Variants in ANO10 observed in about 807,000 individuals in gnomAD.
The protein encoded by ANO10 is anoctamin 10, also known as anoctamin-10.
A neutral mutation model predicts 74.7 loss-of-function variants in ANO10; 77 were observed. The ratio of observed to expected loss-of-function variants is 1.03; its 90% CI spans 0.86 to 1.25. ANO10 has a LOEUF of 1.25. Ranked by LOEUF, ANO10 falls within the 50% of genes most tolerant of loss-of-function variation. The pLI is 0.00. For synonymous variants in ANO10, 279 were observed against 284.9 expected, an observed-to-expected ratio of 0.98 and a Z score of 0.21; for missense variants, 721 against 778.1, an observed-to-expected ratio of 0.93 and a Z score of 0.87.
chr3:43,523,946 G>A (rs938561403), intron 11 of ANO10, among the ~76,000 whole-genome samples: 3 of 151,822 alleles, frequency 2.0e-5, no homozygotes, highest in African/African-American at 7.3e-5. Flanking sequence ...AGCTCATCCA[G>A]GGGCTACAGT....
chr3:43,565,679 A>G lies in ANO10; in HGVS notation c.1267T>C (p.Leu423=), dbSNP rs781561887. Residue 423 remains leucine (L), a synonymous_variant, in exon 8 of 13, where the codon TTG becomes CTG. Coordinates refer to ENST00000292246, the MANE Select transcript of ANO10 (RefSeq NM_018075.5). The part of the protein sequence containing the change: ...FASLFYIAFV[L]KDMKLLRQSL... ...TGGCGCAAAAGCTTCATATCTTTCAAGACAAAGGCAATATAGAAGAGTGAG... is the reference window on the plus strand; with the variant it reads ...TGGCGCAAAAGCTTCATATCTTTCAGGACAAAGGCAATATAGAAGAGTGAG... 3 of 1,582,602 alleles carry G rather than the reference A, an allele frequency of 1.9e-6. No homozygotes were observed. The highest frequency in any genetic ancestry group is 8.6e-7 in the Non-Finnish European group (1 of 1,163,218).
chr3:43,392,076 C>T (rs1472721242), intron 12 of ANO10, among the ~76,000 whole-genome samples: 1 of 152,096 alleles, frequency 6.6e-6, no homozygotes, highest in Non-Finnish European at 1.5e-5. Flanking sequence ...ATCACAGGGT[C>T]CTCACCAGAG....
At chr3:43,414,672 G>A (rs1206295789) in intron 12 of ANO10, among the ~76,000 whole-genome samples, 2 of 152,222 alleles carry the variant, frequency 1.3e-5, no homozygotes, top group Non-Finnish European at 2.9e-5. Flanking sequence ...AGGGATCTGA[G>A]ACTGCTTCTT....
chr3:43,638,874 T>A (rs1479190208), intron 1 of ANO10: 3 of 152,286 alleles, frequency 2.0e-5, no homozygotes, highest in Non-Finnish European at 2.9e-5. Flanking sequence ...GACAGGAATG[T>A]GGGAGTGGCT....
chr3:43,373,908 G>A (rs2091706691), intron 12 of ANO10, among the ~76,000 whole-genome samples: 1 of 152,224 alleles, frequency 6.6e-6, no homozygotes, highest in Non-Finnish European at 1.5e-5. Context: ...GTCGTCAGAG[G>A]CAGCAAGCCC....
chr3:43,630,218 C>T (rs2083532318), intron 1 of ANO10, among the ~76,000 whole-genome samples: 1 of 152,092 alleles, frequency 6.6e-6, no homozygotes, highest in Non-Finnish European at 1.5e-5. Context: ...CATATTTGTC[C>T]TATCAATTAT....
chr3:43,599,938 T>C (rs1045918592), intron 3 of ANO10, among the ~76,000 whole-genome samples: 6 of 152,170 alleles, frequency 3.9e-5, no homozygotes, highest in Admixed American at 1.3e-4. Flanking sequence ...AATACTTTTT[T>C]TGGTGTATTT....
intron 12 of ANO10, among the ~76,000 whole-genome samples, chr3:43,419,423 T>C (rs966776344): frequency 2.6e-5 from 4 of 152,244 alleles, no homozygotes; most frequent in African/African-American, 9.6e-5. Context: ...AGATCATTTC[T>C]ATAGAATTTT....
intron 12 of ANO10, among the ~76,000 whole-genome samples, chr3:43,423,963 A>AG (rs2092859396): frequency 6.6e-6 from 1 of 152,152 alleles, no homozygotes; most frequent in Non-Finnish European, 1.5e-5. Context: ...GGCAAATCTG[A>AG]TGTTACGGTA....
At chr3:43,437,819 C>T (rs991153588) in intron 11 of ANO10, among the ~76,000 whole-genome samples, 1 of 150,710 alleles carries the variant, frequency 6.6e-6, no homozygotes, top group Non-Finnish European at 1.5e-5. Flanking sequence ...AGAGAGATGG[C>T]TGTTTTTCAG....
intron 12 of ANO10, among the ~76,000 whole-genome samples, chr3:43,399,620 C>T (rs2092443531): frequency 1.3e-5 from 2 of 152,108 alleles, no homozygotes; most frequent in Admixed American, 1.3e-4. Context: ...GTCTTTGTCC[C>T]ATCTCTCTTC....
chr3:43,624,419 A>T (rs1347828636), upstream of ANO10, among the ~76,000 whole-genome samples: 1 of 152,212 alleles, frequency 6.6e-6, no homozygotes, highest in Non-Finnish European at 1.5e-5. Context: ...TAGATTTCTC[A>T]TGAATGGTTT....
At chr3:43,550,655 T>C (rs971965959) in intron 10 of ANO10, among the ~76,000 whole-genome samples, 5 of 152,040 alleles carry the variant, frequency 3.3e-5, no homozygotes, top group Admixed American at 2.6e-4. Context: ...TCTGCCATCT[T>C]ACAATTTAGA....
At chr3:43,397,890 C>G (rs1285500428) in intron 12 of ANO10, among the ~76,000 whole-genome samples, 1 of 152,154 alleles carries the variant, frequency 6.6e-6, no homozygotes, top group Non-Finnish European at 1.5e-5. Flanking sequence ...TGCCTGATGT[C>G]CACTGTTGGA....
intron 12 of ANO10, among the ~76,000 whole-genome samples, chr3:43,429,426 G>C (rs979247102): frequency 6.6e-6 from 1 of 151,896 alleles, no homozygotes; most frequent in Non-Finnish European, 1.5e-5. Context: ...GATATACCAC[G>C]AAATCCTGAG....
intron 4 of ANO10, among the ~76,000 whole-genome samples, chr3:43,594,828 G>A (rs2081993735): frequency 6.6e-6 from 1 of 152,044 alleles, no homozygotes; most frequent in South Asian, 2.1e-4. Flanking sequence ...CCAGGAGCTG[G>A]TTTTTTGAAA....
At chr3:43,526,322 G>T (rs942153659) in intron 11 of ANO10, among the ~76,000 whole-genome samples, 2 of 152,138 alleles carry the variant, frequency 1.3e-5, no homozygotes, top group Non-Finnish European at 2.9e-5. Context: ...ACTGGATTTA[G>T]ATATGCAACA....
At chr3:43,384,497 C>T (rs1293048223) in intron 12 of ANO10, among the ~76,000 whole-genome samples, 2 of 152,164 alleles carry the variant, frequency 1.3e-5, no homozygotes, top group Admixed American at 1.3e-4. Context: ...AAGAACAAAT[C>T]TTGAGGCATA....
intron 11 of ANO10, among the ~76,000 whole-genome samples, chr3:43,434,082 A>C (rs1002886880): frequency 6.6e-6 from 1 of 152,212 alleles, no homozygotes; most frequent in African/African-American, 2.4e-5. Context: ...ATAGTGAAGG[A>C]AATCAGCATG....
Sources: allele counts gnomAD v4.1 joint callset (sites outside exome capture counted in the v4.1 genomes callset), GRCh38; gene constraint gnomAD v4.1.1; transcripts MANE v1.5; gene names NCBI Gene and HGNC (gene_info 2026-07-23, HGNC 2026-07-21).